UHMK1: variants seen among roughly 807,000 people sequenced by gnomAD.
The protein encoded by UHMK1 is U2AF homology motif kinase 1, also known as serine/threonine-protein kinase Kist.
In UHMK1, 18 loss-of-function variants were observed where a neutral mutation model predicts 44.0. The observed-to-expected ratio is 0.41, with a 90% CI of 0.28 to 0.61. The LOEUF (loss-of-function observed/expected upper bound fraction) is 0.61, where lower values mean the gene tolerates loss of function less well. UHMK1 is among the 20% of genes least tolerant of loss of function. The pLI is 0.31. For missense variants in UHMK1, 463 were observed against 522.5 expected, an observed-to-expected ratio of 0.89 and a Z score of 1.11; for synonymous variants, 231 against 198.5, an observed-to-expected ratio of 1.16 and a Z score of -1.38.
At chr1:162,514,683 A>G (rs967676439) in intron 6 of UHMK1, among the ~76,000 whole-genome samples, 2 of 152,230 alleles carry the variant, frequency 1.3e-5, no homozygotes, top group Non-Finnish European at 2.9e-5. Flanking sequence ...TATGAGAGCA[A>G]GAAGTGAGGC....
chr1:162,509,940 T>A (rs1651609885), intron 4 of UHMK1, among the ~76,000 whole-genome samples: 1 of 152,200 alleles, frequency 6.6e-6, no homozygotes, highest in Non-Finnish European at 1.5e-5. Context: ...CCACCACGCC[T>A]GGCCTAGTTT....
intron 4 of UHMK1, among the ~76,000 whole-genome samples, chr1:162,508,923 G>C (rs542775731): frequency 1.3e-5 from 2 of 152,090 alleles, no homozygotes; most frequent in South Asian, 4.1e-4. Context: ...CTCCAAAGTA[G>C]CTGGGACCAC....
At chr1:162,507,334 G>A (rs1229253888) in intron 4 of UHMK1, among the ~76,000 whole-genome samples, 1 of 151,988 alleles carries the variant, frequency 6.6e-6, no homozygotes, top group Admixed American at 6.6e-5. Flanking sequence ...TGGCCAGGCT[G>A]GTCTTGAACT....
intron 7 of UHMK1, among the ~76,000 whole-genome samples, chr1:162,521,920 C>G (rs1037233862): frequency 6.6e-6 from 1 of 152,204 alleles, no homozygotes; most frequent in Non-Finnish European, 1.5e-5. Flanking sequence ...AGCCCCTGCA[C>G]CCAGCCAAAT....
At position 162,525,338 on chromosome 1, in the gene UHMK1, T is replaced by G. The variant is rs1652209387; in HGVS notation, c.*2788T>G. The G allele has an allele frequency of 6.6e-6, 1 of 152,214 alleles. No homozygotes were observed. The highest frequency in any genetic ancestry group is 1.5e-5 in the Non-Finnish European group (1 of 68,032). 9.4% of individuals were successfully genotyped at this position (152,214 alleles called of 1,614,324 possible). ...GTAAAGAGGTGAGGGTTCATGTCAC[T>G]TAACCCCTACCCTTTTGGGCAAATT... On this transcript the variant is annotated 3_prime_UTR_variant, in exon 8 of 8. Transcript: ENST00000489294.
Position 162,524,472 on chromosome 1 carries a change from C to G in UHMK1, c.*1922C>G, listed in dbSNP as rs1436127313. The G allele has an allele frequency of 5.3e-5, 8 of 152,262 alleles. No individual in the cohort carries two copies. In the East Asian group the frequency reaches 1.5e-3, roughly 29 times the overall value. 9.4% of individuals were successfully genotyped at this position (152,262 alleles called of 1,614,324 possible). ...GTTTTCAAGTCAGAATTCAAGTGGGCAGAACCCGTATTGTGAAGACCTAAA... is the reference window on the plus strand; with the variant it reads ...GTTTTCAAGTCAGAATTCAAGTGGGGAGAACCCGTATTGTGAAGACCTAAA... On this transcript the variant is annotated 3_prime_UTR_variant, in exon 8 of 8. Coordinates refer to ENST00000489294, the MANE Select transcript of UHMK1 (RefSeq NM_175866.5).
chr1:162,524,694 T>G lies in UHMK1; in HGVS notation c.*2144T>G, dbSNP rs1652182748. 1 of 152,214 alleles carries G rather than the reference T, an allele frequency of 6.6e-6. No homozygotes were observed. The allele number at this position is 152,214 out of a possible 1,614,324, so 9.4% of individuals were successfully genotyped here. On this transcript the variant is annotated 3_prime_UTR_variant, in exon 8 of 8. Transcript: ENST00000489294. Reference sequence around the variant, plus strand: ...ACTGCAGGTAGGCTTCTAAGCCTAGTCCTGCAGTATGCTGCTAACATCTTG... The same window carrying G: ...ACTGCAGGTAGGCTTCTAAGCCTAGGCCTGCAGTATGCTGCTAACATCTTG...
intron 6 of UHMK1, chr1:162,513,048 G>A (rs1338829312): frequency 5.1e-6 from 2 of 393,012 alleles, no homozygotes; most frequent in East Asian, 1.1e-4. Flanking sequence ...TGCCTCCTGG[G>A]TTCAAGCCTC....
At chr1:162,500,584 G>A (rs762188378) in intron 2 of UHMK1, 18 of 394,462 alleles carry the variant, frequency 4.6e-5, no homozygotes, top group Non-Finnish European at 7.2e-5. Flanking sequence ...GCTGTATCTC[G>A]TGGCAGAATG....
rs560005421 is a variant in UHMK1 at position 162,523,823 on chromosome 1, G to C, written c.*1273G>C. Reference sequence around the variant, plus strand: ...TTTGACTGCAAGGTAGTTAAGAAAGGTGTAGATATAATGAGGTAGAAGTAG... The same window carrying C: ...TTTGACTGCAAGGTAGTTAAGAAAGCTGTAGATATAATGAGGTAGAAGTAG... On this transcript the variant is annotated 3_prime_UTR_variant, in exon 8 of 8. Transcript: ENST00000489294. 1.3e-5 allele frequency: 2 copies of C among 152,168 alleles called. No individual in the cohort carries two copies. The highest frequency in any genetic ancestry group is 2.9e-5 in the Non-Finnish European group (2 of 68,036). 9.4% of individuals were successfully genotyped at this position (152,168 alleles called of 1,614,324 possible). A position where few individuals can be genotyped will look rare whatever the true frequency, so the allele number is the denominator to read the frequency against.
chr1:162,524,501 T>G lies in UHMK1; in HGVS notation c.*1951T>G, dbSNP rs975613243. 6.6e-6 allele frequency: 1 copy of G among 152,222 alleles called. No individual in the cohort carries two copies. The highest frequency in any genetic ancestry group is 2.4e-5 in the African/African-American group (1 of 41,466). The allele number at this position is 152,222 out of a possible 1,614,324, so 9.4% of individuals were successfully genotyped here. A position where few individuals can be genotyped will look rare whatever the true frequency, so the allele number is the denominator to read the frequency against. The stretch of plus-strand genomic sequence containing the variant: ...ACCCGTATTGTGAAGACCTAAACTT[T>G]CCTAAATGTTCATATGGGTAGCAGA... On this transcript the variant is annotated 3_prime_UTR_variant, in exon 8 of 8. Coordinates refer to ENST00000489294, the MANE Select transcript of UHMK1 (RefSeq NM_175866.5).
rs1163235634 is a variant in UHMK1, at chr1:162,524,719, GATGCCAATCTTCACAGC to G, written c.*2172_*2188del. 2 of 152,170 alleles carry G rather than the reference GATGCCAATCTTCACAGC, an allele frequency of 1.3e-5. No homozygotes were observed. Among genetic ancestry groups the G allele is most frequent in the Admixed American group, 1.3e-4 (2 of 15,268 alleles). 9.4% of individuals were successfully genotyped at this position (152,170 alleles called of 1,614,324 possible). On this transcript the variant is annotated 3_prime_UTR_variant, in exon 8 of 8. Coordinates refer to ENST00000489294, the MANE Select transcript of UHMK1 (RefSeq NM_175866.5). ...TCCTGCAGTATGCTGCTAACATCTT[GATGCCAATCTTCACAGC>G]ATTCTTTGATTGTCATCTTATTGCT...
chr1:162,500,499 A>G, intron 2 of UHMK1: 1 of 466,948 alleles, frequency 2.1e-6, no homozygotes, highest in Non-Finnish European at 3.8e-6. Context: ...CTTAACCTAC[A>G]TAGAATGGTT....
At chr1:162,504,812 T>C (rs78504309) in intron 4 of UHMK1, among the ~76,000 whole-genome samples, 2,470 of 152,256 alleles carry the variant, frequency 0.016, 59 homozygotes, top group African/African-American at 0.056. Context: ...TCACACTCCA[T>C]CACCCAAGCT....
rs775430114 is a variant in UHMK1 at position 162,498,111 on chromosome 1, G to A, written c.111G>A (p.Val37=). 2 of 1,612,380 alleles carry A rather than the reference G, an allele frequency of 1.2e-6. No homozygotes were observed. The highest frequency in any genetic ancestry group is 1.3e-5 in the African/African-American group (1 of 75,048). ...SRLGSGSSAS[V]YRVRCCGNPG... ...TGGGTAGCGGCTCCTCCGCCTCGGT[G>A]TATCGGGTTCGCTGCTGCGGCAACC... is the stretch of plus-strand genomic sequence containing the variant. The change falls in exon 1 of 8, where the codon GTG becomes GTA. Residue 37 remains valine, a synonymous_variant. Transcript: ENST00000489294.
At chr1:162,518,966 G>A (rs1300758542) in intron 7 of UHMK1, among the ~76,000 whole-genome samples, 2 of 150,494 alleles carry the variant, frequency 1.3e-5, no homozygotes, top group African/African-American at 4.9e-5. Flanking sequence ...TCCAGCCTGG[G>A]CAACAGTGTG....
rs1248243717 is a variant in UHMK1 at position 162,527,338 on chromosome 1, A to G, written c.*4788A>G. 1 of 152,088 alleles carries G rather than the reference A, an allele frequency of 6.6e-6. No homozygotes were observed. The highest frequency in any genetic ancestry group is 1.5e-5 in the Non-Finnish European group (1 of 67,940). The allele number at this position is 152,088 out of a possible 1,614,324, so 9.4% of individuals were successfully genotyped here. On this transcript the variant is annotated 3_prime_UTR_variant, in exon 8 of 8. Coordinates refer to ENST00000489294, the MANE Select transcript of UHMK1 (RefSeq NM_175866.5). ...TGGATATTTAAGAAGAAGGTAAATA[A>G]TTTTAATATTTTTTGCTGTAATTTT...
In UHMK1 at chr1:162,529,421, A is replaced by G. The variant is rs1022608173; in HGVS notation, c.*6871A>G. The G allele has an allele frequency of 1.6e-4, 24 of 152,256 alleles. No individual in the cohort carries two copies. Among genetic ancestry groups the G allele is most frequent in the East Asian group, 3.9e-4 (2 of 5,178 alleles). 9.4% of individuals were successfully genotyped at this position (152,256 alleles called of 1,614,324 possible). ...AAGAACTTTTATTTTCCACTTTCCT[A>G]TATTCCTAAAAAGTGTGAACAATGC... On this transcript the variant is annotated 3_prime_UTR_variant, in exon 8 of 8. Coordinates refer to ENST00000489294, the MANE Select transcript of UHMK1 (RefSeq NM_175866.5).
rs1411427149 is a variant in UHMK1 at position 162,527,318 on chromosome 1, A to G, written c.*4768A>G. On this transcript the variant is annotated 3_prime_UTR_variant, in exon 8 of 8. Coordinates refer to ENST00000489294, the MANE Select transcript of UHMK1 (RefSeq NM_175866.5). ...CATGTACTTGACAAGTGCCATGGAT[A>G]TTTAAGAAGAAGGTAAATAATTTTA... 1.3e-5 allele frequency: 2 copies of G among 152,068 alleles called. No homozygotes were observed. Among genetic ancestry groups the G allele is most frequent in the African/African-American group, 4.8e-5 (2 of 41,452 alleles). The allele number at this position is 152,068 out of a possible 1,614,324, so 9.4% of individuals were successfully genotyped here.
Sources: allele counts gnomAD v4.1 joint callset (sites outside exome capture counted in the v4.1 genomes callset), GRCh38; gene constraint gnomAD v4.1.1; transcripts MANE v1.5; gene names NCBI Gene and HGNC (gene_info 2026-07-23, HGNC 2026-07-21).